The following RERE variants were observed in gnomAD, a reference collection of about 807,000 sequenced individuals.
RERE encodes arginine-glutamic acid dipeptide repeats protein.
RERE carries 40 observed loss-of-function variants against 146.1 expected under a neutral mutation model. That is an observed-to-expected ratio of 0.27 (90% confidence interval 0.21 to 0.36). RERE has a LOEUF of 0.36. Among genes scored for constraint, RERE ranks in the 10% least tolerant of loss-of-function variants. The pLI is 1.00. For synonymous variants in RERE, 1,003 were observed against 866.0 expected (o/e 1.16, Z -2.78); for missense variants, 1,933 against 2,138.7 (o/e 0.90, Z 1.90).
rs375535158 is a variant in RERE, at chr1:8,720,091, C to G, written c.-144-63650G>C. On this transcript the variant is annotated intron_variant, in intron 1 of 22. Transcript: ENST00000400908. ...CCATCCTGGCCAACATGGTGAAACCCTGCCTCTACTAAAAATACAAAAAAA... is the reference window on the plus strand; with the variant it reads ...CCATCCTGGCCAACATGGTGAAACCGTGCCTCTACTAAAAATACAAAAAAA... 1.4e-4 allele frequency among the ~76,000 whole-genome samples: 21 copies of G among 151,746 alleles called. No homozygotes were observed. The East Asian group carries it at 1.9e-3, about 14-fold the overall frequency.
At chr1:8,612,118 AG>A (rs1225201693) in intron 4 of RERE, among the ~76,000 whole-genome samples, 1 of 152,256 alleles carries the variant, frequency 6.6e-6, no homozygotes, top group African/African-American at 2.4e-5. Context: ...ATGCAAAGAA[AG>A]TTAAATTATG....
chr1:8,461,401 G>A (rs1454625892), intron 11 of RERE, among the ~76,000 whole-genome samples: 6 of 152,116 alleles, frequency 3.9e-5, no homozygotes, highest in African/African-American at 1.4e-4. Context: ...CCATACCTTG[G>A]TATTTAAAGC....
At chr1:8,534,720 A>G (rs192305764) in intron 7 of RERE, among the ~76,000 whole-genome samples, 2 of 152,238 alleles carry the variant, frequency 1.3e-5, no homozygotes, top group Non-Finnish European at 2.9e-5. Flanking sequence ...AGATCTACAC[A>G]GTCACAAAGC....
At chr1:8,368,730 G>C (rs537306918) in intron 12 of RERE, among the ~76,000 whole-genome samples, 2 of 152,214 alleles carry the variant, frequency 1.3e-5, no homozygotes, top group Admixed American at 1.3e-4. Context: ...TATATGTTTT[G>C]AAATGGCTTT....
chr1:8,661,296 A>T (rs964003457), intron 1 of RERE, among the ~76,000 whole-genome samples: 1 of 152,156 alleles, frequency 6.6e-6, no homozygotes, highest in Non-Finnish European at 1.5e-5. Context: ...TAGCACAAAA[A>T]GGGGGAGAGA....
chr1:8,400,965 C>T (rs1350136392), intron 12 of RERE, among the ~76,000 whole-genome samples: 4 of 136,388 alleles, frequency 2.9e-5, no homozygotes, highest in Non-Finnish European at 4.7e-5. Context: ...CTGCAGTGAG[C>T]CATGACTGCA....
intron 1 of RERE, chr1:8,799,480 T>C (rs575388660): frequency 4.9e-5 from 10 of 202,168 alleles, no homozygotes; most frequent in East Asian, 3.5e-4. Flanking sequence ...CAAGAACAAG[T>C]GGTTCTTCCA....
intron 12 of RERE, among the ~76,000 whole-genome samples, chr1:8,372,094 T>G (rs1310353842): frequency 6.6e-6 from 1 of 152,142 alleles, no homozygotes; most frequent in Admixed American, 6.5e-5. Flanking sequence ...TTCTCTCTCT[T>G]TAGGGGCATG....
chr1:8,767,312 A>T (rs1640866994), intron 1 of RERE, among the ~76,000 whole-genome samples: 1 of 152,212 alleles, frequency 6.6e-6, no homozygotes, highest in Non-Finnish European at 1.5e-5. Context: ...TTGAAATAAA[A>T]GCAATGGAGG....
intron 2 of RERE, among the ~76,000 whole-genome samples, chr1:8,646,552 C>CAAAAAAAAAA (rs1228451345): frequency 6.8e-6 from 1 of 146,304 alleles, no homozygotes; most frequent in African/African-American, 2.6e-5. Context: ...AAAAAACAAA[C>CAAAAAAAAAA]AAACAAAAAA....
At chr1:8,501,932 A>G (rs1406801956) in intron 8 of RERE, among the ~76,000 whole-genome samples, 7 of 44,934 alleles carry the variant, frequency 1.6e-4, no homozygotes, top group Admixed American at 2.2e-4. Context: ...TCCGGGAGGG[A>G]GGTGGGGGGG....
intron 7 of RERE, among the ~76,000 whole-genome samples, chr1:8,536,213 G>A (rs2124380284): frequency 6.6e-6 from 1 of 152,164 alleles, no homozygotes; most frequent in African/African-American, 2.4e-5. Context: ...GTTTACAGAA[G>A]TTTTCTGCAG....
At chr1:8,600,521 A>G (rs1248512754) in intron 4 of RERE, among the ~76,000 whole-genome samples, 1 of 152,222 alleles carries the variant, frequency 6.6e-6, no homozygotes, top group African/African-American at 2.4e-5. Context: ...TTTGTAATAT[A>G]TCCAAGACAA....
chr1:8,470,317 C>CAGTG (rs1644663826), intron 10 of RERE, among the ~76,000 whole-genome samples: 1 of 152,124 alleles, frequency 6.6e-6, no homozygotes, highest in Non-Finnish European at 1.5e-5. Context: ...GGCTGGAGTG[C>CAGTG]AGTGGCGTGA....
Position 8,354,978 on chromosome 1 carries a change from T to A in RERE, c.*109A>T. The A allele has an allele frequency of 1.2e-6, 1 of 863,732 alleles. No homozygotes were observed. The highest frequency in any genetic ancestry group is 1.8e-6 in the Non-Finnish European group (1 of 541,646). 53.5% of individuals were successfully genotyped at this position (863,732 alleles called of 1,614,324 possible). A position where few individuals can be genotyped will look rare whatever the true frequency, so the allele number is the denominator to read the frequency against. ...GTGGGTTTTTAAATATATAAAGAAA[T>A]CTTTAGAAGATATTCTTTTTGCTTT... On this transcript the variant is annotated 3_prime_UTR_variant, in exon 23 of 23. Coordinates refer to ENST00000400908, the MANE Select transcript of RERE (RefSeq NM_001042681.2).
chr1:8,726,382 T>C (rs2124480691), intron 1 of RERE, among the ~76,000 whole-genome samples: 1 of 152,238 alleles, frequency 6.6e-6, no homozygotes, highest in Middle Eastern at 3.4e-3. Flanking sequence ...CTCGAACTCC[T>C]GACCTCGTGA....
At chr1:8,523,682 G>A (rs1183990079) in intron 7 of RERE, among the ~76,000 whole-genome samples, 2 of 79,752 alleles carry the variant, frequency 2.5e-5, no homozygotes, top group Non-Finnish European at 5.3e-5. Flanking sequence ...TTACTTTATT[G>A]GATTTGAAAC....
At chr1:8,649,281 T>C (rs1237853049) in intron 2 of RERE, among the ~76,000 whole-genome samples, 1 of 71,310 alleles carries the variant, frequency 1.4e-5, no homozygotes, top group Non-Finnish European at 2.7e-5. Context: ...CCCCACAAGG[T>C]TTTTGTTTTG....
chr1:8,434,122 C>A (rs995989493), intron 11 of RERE, among the ~76,000 whole-genome samples: 1 of 152,136 alleles, frequency 6.6e-6, no homozygotes, highest in East Asian at 1.9e-4. Flanking sequence ...TATTCCATCA[C>A]CCCACCACTA....
Sources: allele counts gnomAD v4.1 joint callset (sites outside exome capture counted in the v4.1 genomes callset), GRCh38; gene constraint gnomAD v4.1.1; transcripts MANE v1.5; gene names NCBI Gene and HGNC (gene_info 2026-07-23, HGNC 2026-07-21).